Variants in CLTCL1 observed in about 807,000 individuals in gnomAD.
CLTCL1 encodes the protein clathrin heavy chain like 1.
A neutral mutation model predicts 190.0 loss-of-function variants in CLTCL1; 159 were observed. The ratio of observed to expected loss-of-function variants is 0.84; its 90% CI spans 0.74 to 0.95. The LOEUF (loss-of-function observed/expected upper bound fraction) is 0.95. CLTCL1 is among the 40% of genes least tolerant of loss of function. CLTCL1 has a pLI of 0.00. For synonymous variants in CLTCL1, 752 were observed against 769.6 expected (o/e 0.98, Z 0.38); for missense variants, 1,878 against 2,033.4 (o/e 0.92, Z 1.47).
intron 2 of CLTCL1, among the ~76,000 whole-genome samples, chr22:19,260,065 A>G (rs1422568625): frequency 6.6e-6 from 1 of 152,250 alleles, no homozygotes; most frequent in Admixed American, 6.5e-5. Flanking sequence ...ACAATCCCTT[A>G]AGCCAAAGCC....
intron 2 of CLTCL1, among the ~76,000 whole-genome samples, chr22:19,262,078 T>G (rs1382886433): frequency 6.6e-6 from 1 of 151,966 alleles, no homozygotes; most frequent in Non-Finnish European, 1.5e-5. Context: ...CAGACTGGAG[T>G]GCAGTGGCGT....
intron 26 of CLTCL1, among the ~76,000 whole-genome samples, chr22:19,195,777 C>T (rs932680689): frequency 3.3e-5 from 5 of 152,082 alleles, no homozygotes; most frequent in South Asian, 2.1e-4. Flanking sequence ...ACTCGGGTCC[C>T]GGTTTAGCCC....
chr22:19,254,259 G>A (rs1555971546), intron 2 of CLTCL1, 32 bp from the exon 3 acceptor site: 1 of 1,558,604 alleles, frequency 6.4e-7, no homozygotes. Flanking sequence ...ATTAGAGAAA[G>A]ACAAATTAAA....
chr22:19,202,984 A>T (rs1555940785), intron 22 of CLTCL1, among the ~76,000 whole-genome samples: 1 of 152,202 alleles, frequency 6.6e-6, no homozygotes, highest in Admixed American at 6.5e-5. Context: ...CACTCTGACA[A>T]GCTTAAAGAA....
intron 3 of CLTCL1, among the ~76,000 whole-genome samples, chr22:19,248,016 G>A (rs1023529630): frequency 6.6e-6 from 1 of 151,838 alleles, no homozygotes; most frequent in Non-Finnish European, 1.5e-5. Flanking sequence ...TGAACTTTTG[G>A]CTGGGCATGG....
intron 26 of CLTCL1, among the ~76,000 whole-genome samples, chr22:19,194,131 T>A: frequency 6.6e-6 from 1 of 152,174 alleles, no homozygotes; most frequent in Non-Finnish European, 1.5e-5. Flanking sequence ...GAGTGCTGAT[T>A]GGTGCATTTA....
At chr22:19,253,009 G>A (rs1190822898) in intron 3 of CLTCL1, among the ~76,000 whole-genome samples, 6 of 121,470 alleles carry the variant, frequency 4.9e-5, no homozygotes, top group South Asian at 2.7e-4. Context: ...GTAAGACTCC[G>A]TCTCAAAAAA....
In CLTCL1 at chr22:19,275,641, T is replaced by C; in HGVS notation, c.232A>G (p.Lys78Glu). Residue 78 changes from lysine to glutamate, a missense_variant, in exon 2 of 33, where the codon AAG becomes GAG. By Grantham distance (56) the Lys-to-Glu change is moderately conservative. Coordinates refer to ENST00000427926, the MANE Select transcript of CLTCL1 (RefSeq NM_007098.4). ...AESAIMNPASKVIALKAGKTL... is the reference protein window; with the variant it reads ...AESAIMNPASEVIALKAGKTL... ...GGTTTACCTTTCAGAGCTATCACCT[T>C]AGAGGCTGGATTCATGATGGCACTC... The C allele has an allele frequency of 3.1e-6, 5 of 1,604,722 alleles. No homozygotes were observed. The highest frequency in any genetic ancestry group is 4.3e-6 in the Non-Finnish European group (5 of 1,175,314).
chr22:19,262,058 A>G (rs1439925555), intron 2 of CLTCL1, among the ~76,000 whole-genome samples: 2 of 151,766 alleles, frequency 1.3e-5, no homozygotes, highest in African/African-American at 2.4e-5. Context: ...ATGGAGTCTC[A>G]CTCTGTTGCC....
At position 19,199,766 on chromosome 22, in the gene CLTCL1, C is replaced by G. The variant is rs1411206792; in HGVS notation, c.3841G>C (p.Asp1281His). The change falls in exon 24 of 33, where the codon GAT becomes CAT. Residue 1281 changes from aspartate (D) to histidine (H), a missense_variant. By Grantham distance (81) the Asp-to-His change is moderately conservative (BLOSUM62 -1). Coordinates refer to ENST00000427926, the MANE Select transcript of CLTCL1 (RefSeq NM_007098.4). ...TAGCACATCAGCTCCTCCAGCTCAT[C>G]TGCATGAATGACGATGTGAAGACCA... ...LCGLHIVIHA[D>H]ELEELMCYYQ... 5 of 1,594,468 alleles carry G rather than the reference C, an allele frequency of 3.1e-6. No homozygotes were observed. The highest frequency in any genetic ancestry group is 4.3e-6 in the Non-Finnish European group (5 of 1,170,874).
chr22:19,200,729 C>T (rs1178125465), intron 23 of CLTCL1, among the ~76,000 whole-genome samples: 1 of 152,184 alleles, frequency 6.6e-6, no homozygotes, highest in Non-Finnish European at 1.5e-5. Flanking sequence ...GTAGTCCCAG[C>T]TACTGGGGGA....
intron 22 of CLTCL1, among the ~76,000 whole-genome samples, chr22:19,207,086 G>A (rs1051844343): frequency 3.8e-5 from 5 of 132,258 alleles, no homozygotes; most frequent in South Asian, 2.4e-4. Flanking sequence ...GTGCTATCTC[G>A]GCTCACTGCA....
At chr22:19,226,129 C>T (rs1181161038) in intron 12 of CLTCL1, 90 bp downstream of exon 12, 1 of 1,432,042 alleles carries the variant, frequency 7.0e-7, no homozygotes, top group Non-Finnish European at 9.5e-7. Context: ...GCCACAGTTC[C>T]ACAATCACCA....
intron 2 of CLTCL1, 88 bp downstream of exon 2, chr22:19,275,521 GGAGCACTTCGCCAT>G: frequency 8.1e-7 from 1 of 1,231,308 alleles, no homozygotes; most frequent in Non-Finnish European, 1.1e-6. Context: ...ATACTATTGA[GGAGCACTTCGCCAT>G]GAGCTTAGTG....
Position 19,234,599 on chromosome 22 carries a change from C to G in CLTCL1, c.1077G>C (p.Gly359=). 2.5e-6 allele frequency: 4 copies of G among 1,614,004 alleles called. No homozygotes were observed. The highest frequency in any genetic ancestry group is 3.4e-6 in the Non-Finnish European group (4 of 1,179,898). ...ATTTTCTCACAAACAACTTCTCTGC[C>G]CCAGCCAGGTTACTACGAACGGCCA... ...LRLAVRSNLA[G]AEKLFVRKFN... is the part of the protein sequence containing the mutation. The change falls in exon 7 of 33, where the codon GGG becomes GGC. Residue 359 remains glycine (G), a synonymous_variant. Transcript: ENST00000427926.
intron 30 of CLTCL1, chr22:19,181,213 T>A (rs1164244069): frequency 3.3e-5 from 6 of 183,514 alleles, no homozygotes; most frequent in African/African-American, 1.4e-4. Context: ...GCCAGTCTAG[T>A]TTGCCCGCCC....
Position 19,219,932 on chromosome 22 carries a change from G to A in CLTCL1, c.2872C>T (p.His958Tyr). The change falls in exon 18 of 33, where the codon CAC (histidine) becomes TAC (tyrosine). Residue 958 changes from histidine (H) to tyrosine (Y), a missense_variant. By Grantham distance (83) the His-to-Tyr change is moderately conservative. Coordinates refer to ENST00000427926, the MANE Select transcript of CLTCL1 (RefSeq NM_007098.4). Reference sequence around the variant, plus strand: ...GATGGGTTGGTCTCCTCAAGGACGTGAGCCCAGAGCTCCGGATCCTTTCTG... The same window carrying A: ...GATGGGTTGGTCTCCTCAAGGACGTAAGCCCAGAGCTCCGGATCCTTTCTG... ...VCRKDPELWA[H>Y]VLEETNPSRR... 6.2e-7 allele frequency: 1 copy of A among 1,614,054 alleles called. No homozygotes were observed. The highest frequency in any genetic ancestry group is 2.2e-5 in the East Asian group (1 of 44,884).
rs375394134 is a variant in CLTCL1, at chr22:19,233,535, C to T, written c.1255G>A (p.Gly419Arg). Residue 419 changes from glycine (G) to arginine (R), a missense_variant, in exon 8 of 33, where the codon GGA becomes AGA. Coordinates refer to ENST00000427926, the MANE Select transcript of CLTCL1 (RefSeq NM_007098.4). ...GQASPLLQYF[G>R]ILLDQGQLNK... Reference sequence around the variant, plus strand: ...AGCTGACCCTGGTCGAGCAGGATTCCGAAGTACTGCAGCAATGGAGAAGCC... The same window carrying T: ...AGCTGACCCTGGTCGAGCAGGATTCTGAAGTACTGCAGCAATGGAGAAGCC... The T allele has an allele frequency of 3.6e-5, 58 of 1,613,778 alleles. No individual in the cohort carries two copies. The African/African-American group carries it at 6.0e-4, about 17-fold the overall frequency.
chr22:19,218,914 G>C (rs2085476169), intron 18 of CLTCL1, among the ~76,000 whole-genome samples: 1 of 152,168 alleles, frequency 6.6e-6, no homozygotes, highest in Non-Finnish European at 1.5e-5. Flanking sequence ...CCTCAACAAA[G>C]GGAAGTCAGC....
Sources: allele counts gnomAD v4.1 joint callset (sites outside exome capture counted in the v4.1 genomes callset), GRCh38; gene constraint gnomAD v4.1.1; transcripts MANE v1.5; gene names NCBI Gene and HGNC (gene_info 2026-07-23, HGNC 2026-07-21).